Variants in TENM1 observed in about 807,000 individuals in gnomAD.
TENM1 encodes the protein teneurin-1.
Under a neutral mutation model 174.8 loss-of-function variants are expected in TENM1, and 35 were observed. The observed-to-expected ratio is 0.20, with a 90% CI of 0.15 to 0.27. TENM1 has a LOEUF of 0.27. Among genes scored for constraint, TENM1 ranks in the 10% least tolerant of loss-of-function variants. The probability of loss-of-function intolerance (pLI) is 1.00; values close to 1 mark genes in which losing one functional copy is unlikely to be tolerated. For synonymous variants in TENM1, 781 were observed against 798.7 expected, an observed-to-expected ratio of 0.98 and a Z score of 0.37; for missense variants, 1,633 against 2,130.1, an observed-to-expected ratio of 0.77 and a Z score of 4.59.
At chrX:124,553,556 T>C (rs778270921) in intron 14 of TENM1, among the ~76,000 whole-genome samples, 1 of 104,167 alleles carries the variant, frequency 9.6e-6, no homozygotes, top group East Asian at 3.0e-4. Context: ...TTTTGCACCA[T>C]TAACCATCTC....
chrX:125,040,928 G>C, the TENM1 span, among the ~76,000 whole-genome samples: 12 of 111,438 alleles, frequency 1.1e-4, no homozygotes, highest in Non-Finnish European at 1.9e-5. Flanking sequence ...TCTGGAGTTG[G>C]AAGAACCTGA....
Position 124,577,481 on chromosome X carries a change from C to G in TENM1, c.2078-11921G>C, listed in dbSNP as rs190571944. Among the ~76,000 whole-genome samples, 3 of 111,339 alleles carry G rather than the reference C, an allele frequency of 2.7e-5. No individual in the cohort carries two copies. The East Asian group carries it at 8.5e-4, about 31-fold the overall frequency. Reference sequence around the variant, plus strand: ...AATGTCCTTATATAGTATTTCAATGCATAGTTTAGTGTCATTTAAGACATT... The same window carrying G: ...AATGTCCTTATATAGTATTTCAATGGATAGTTTAGTGTCATTTAAGACATT... On this transcript the variant is annotated intron_variant, in intron 11 of 31. Coordinates refer to ENST00000422452, the Ensembl canonical transcript of TENM1.
At chrX:124,933,275 A>G (rs1370433652) in intron 1 of TENM1, among the ~76,000 whole-genome samples, 1 of 112,287 alleles carries the variant, frequency 8.9e-6, no homozygotes, top group Non-Finnish European at 1.9e-5. Flanking sequence ...TGAAAAGGCC[A>G]AAAGGCCAGC....
the TENM1 span, among the ~76,000 whole-genome samples, chrX:125,003,061 C>A: frequency 9.0e-6 from 1 of 111,718 alleles, no homozygotes; most frequent in Non-Finnish European, 1.9e-5. Context: ...TTAAAACATG[C>A]CCTCAATTTT....
At chrX:124,710,380 T>A (rs1767081721) in intron 4 of TENM1, among the ~76,000 whole-genome samples, 2 of 112,205 alleles carry the variant, frequency 1.8e-5, no homozygotes, top group Admixed American at 9.5e-5. Flanking sequence ...ATCTTCAATC[T>A]TTTGCACATT....
chrX:124,996,525 G>A, the TENM1 span, among the ~76,000 whole-genome samples: 1 of 94,138 alleles, frequency 1.1e-5, no homozygotes, highest in African/African-American at 4.0e-5. Context: ...ACAGCTAAAA[G>A]ACATATGACT....
At chrX:125,074,918 G>A in the TENM1 span, among the ~76,000 whole-genome samples, 2 of 111,864 alleles carry the variant, frequency 1.8e-5, no homozygotes, top group Non-Finnish European at 3.8e-5. Context: ...CAACAAAAAA[G>A]CTACTGTTAG....
At chrX:124,711,455 AT>A (rs775161332) in intron 4 of TENM1, among the ~76,000 whole-genome samples, 2 of 111,654 alleles carry the variant, frequency 1.8e-5, no homozygotes, top group East Asian at 2.8e-4. Context: ...ATAACCAATG[AT>A]TTTTTTCTTT....
chrX:124,980,887 A>G, the TENM1 span, among the ~76,000 whole-genome samples: 27 of 111,823 alleles, frequency 2.4e-4, no homozygotes, highest in Non-Finnish European at 4.9e-4. Flanking sequence ...CATTTTTCCT[A>G]TTCTCCACAT....
chrX:124,987,327 A>C, the TENM1 span, among the ~76,000 whole-genome samples: 6 of 111,349 alleles, frequency 5.4e-5, no homozygotes, highest in East Asian at 1.7e-3. Context: ...AGTAATACAA[A>C]ATACGGGGAA....
chrX:124,659,146 C>A (rs1219380119), intron 6 of TENM1, among the ~76,000 whole-genome samples: 1 of 111,559 alleles, frequency 9.0e-6, no homozygotes, highest in Non-Finnish European at 1.9e-5. Context: ...CATGAAGTAG[C>A]CAATTACTTT....
At chrX:124,851,005 T>G (rs957619273) in intron 3 of TENM1, among the ~76,000 whole-genome samples, 16 of 103,880 alleles carry the variant, frequency 1.5e-4, no homozygotes, top group Non-Finnish European at 3.4e-4. Context: ...TAGCTACAAT[T>G]TGCTGCAATT....
chrX:125,042,802 T>C, the TENM1 span, among the ~76,000 whole-genome samples: 1 of 111,580 alleles, frequency 9.0e-6, no homozygotes, highest in African/African-American at 3.3e-5. Flanking sequence ...AGGCAAGGCA[T>C]AGACAGTATC....
At chrX:124,386,056 C>G (rs1331907876) in exon 29 of TENM1, 1 of 1,188,645 alleles carries the variant, frequency 8.4e-7, no homozygotes, top group African/African-American at 1.8e-5. Context: ...GTAGGAGAAG[C>G]ATCACAGACT....
In TENM1 at chrX:124,716,627, C is replaced by T. The variant is rs961620637; in HGVS notation, c.777-11376G>A. ...CTTTCAAACAGTGACAAATTGGTAG[C>T]CGGTGCCATTTCCTGATAGTCCACA... On this transcript the variant is annotated intron_variant, in intron 4 of 31. Transcript: ENST00000422452. Among the ~76,000 whole-genome samples the T allele has an allele frequency of 4.6e-4, 51 of 112,077 alleles. 1 individual carries two copies. Among genetic ancestry groups the T allele is most frequent in the Non-Finnish European group, 2.4e-4 (13 of 53,251 alleles).
intron 23 of TENM1, among the ~76,000 whole-genome samples, chrX:124,434,540 C>T (rs1255041221): frequency 8.9e-6 from 1 of 112,199 alleles, no homozygotes; most frequent in Non-Finnish European, 1.9e-5. Context: ...ATTGCCACTA[C>T]CTCATCTTAA....
intron 1 of TENM1, among the ~76,000 whole-genome samples, chrX:124,908,637 G>A (rs5958622): frequency 2.7e-5 from 3 of 110,897 alleles, no homozygotes; most frequent in Non-Finnish European, 5.7e-5. Context: ...ATAAACATAC[G>A]TGTGCATGTT....
At chrX:125,029,003 AAAT>A in the TENM1 span, among the ~76,000 whole-genome samples, 1 of 112,087 alleles carries the variant, frequency 8.9e-6, no homozygotes, top group Non-Finnish European at 1.9e-5. Flanking sequence ...TCATTAATAA[AAAT>A]AATATTTAGA....
the TENM1 span, among the ~76,000 whole-genome samples, chrX:125,177,518 T>C: frequency 1.5e-4 from 17 of 112,659 alleles, no homozygotes; most frequent in East Asian, 4.5e-3. Flanking sequence ...CATTGTTTTT[T>C]ATTTTTCTTT....
Sources: gnomAD v4.1 joint callset for allele counts (sites outside exome capture counted in the v4.1 genomes callset) on GRCh38, gnomAD v4.1.1 for gene constraint, MANE v1.5 for transcripts, NCBI Gene and HGNC (gene_info 2026-07-23, HGNC 2026-07-21) for gene names.